The following DOCK4 variants were observed in gnomAD, a reference collection of about 807,000 sequenced individuals.
The protein encoded by DOCK4 is dedicator of cytokinesis protein 4.
DOCK4 carries 97 observed loss-of-function variants against 268.1 expected under a neutral mutation model. The observed-to-expected ratio is 0.36, with a 90% CI of 0.31 to 0.43. The LOEUF (loss-of-function observed/expected upper bound fraction) is 0.43. Among genes scored for constraint, DOCK4 ranks in the 20% least tolerant of loss-of-function variants. DOCK4 has a pLI of 1.00. For missense variants in DOCK4, 2,145 were observed against 2,455.7 expected, an observed-to-expected ratio of 0.87 and a Z score of 2.67; for synonymous variants, 954 against 887.2, an observed-to-expected ratio of 1.08 and a Z score of -1.34.
intron 1 of DOCK4, among the ~76,000 whole-genome samples, chr7:112,191,740 A>G (rs1247304327): frequency 6.6e-6 from 1 of 151,918 alleles, no homozygotes; most frequent in Non-Finnish European, 1.5e-5. Flanking sequence ...TCAGCCCTTC[A>G]CAGGTGGGTC....
At chr7:111,752,475 T>C (rs56383191) in intron 42 of DOCK4, among the ~76,000 whole-genome samples, 1 of 152,030 alleles carries the variant, frequency 6.6e-6, no homozygotes, top group Non-Finnish European at 1.5e-5. Flanking sequence ...CAGGATGTGG[T>C]ATGAAAATAT....
At chr7:111,849,462 CA>C in intron 23 of DOCK4, among the ~76,000 whole-genome samples, 1 of 152,038 alleles carries the variant, frequency 6.6e-6, no homozygotes, top group Non-Finnish European at 1.5e-5. Context: ...AGGGTTTTAC[CA>C]TGTTGGCCAG....
At chr7:112,049,106 T>A (rs1805120834) in intron 1 of DOCK4, among the ~76,000 whole-genome samples, 1 of 152,166 alleles carries the variant, frequency 6.6e-6, no homozygotes, top group African/African-American at 2.4e-5. Flanking sequence ...GCACCAGAAG[T>A]CGTAATTACA....
intron 5 of DOCK4, among the ~76,000 whole-genome samples, chr7:111,991,267 G>A (rs937820536): frequency 2.0e-5 from 3 of 152,180 alleles, no homozygotes; most frequent in Non-Finnish European, 4.4e-5. Flanking sequence ...CCCAGGTGTG[G>A]CAAGAATGCT....
At chr7:112,028,278 G>A (rs1399987922) in intron 1 of DOCK4, among the ~76,000 whole-genome samples, 8 of 152,180 alleles carry the variant, frequency 5.3e-5, no homozygotes, top group Non-Finnish European at 1.0e-4. Context: ...CCCTCTGAGG[G>A]CTGAGAATCT....
intron 1 of DOCK4, among the ~76,000 whole-genome samples, chr7:112,139,214 A>C (rs1563123272): frequency 6.6e-6 from 1 of 152,192 alleles, no homozygotes; most frequent in South Asian, 2.1e-4. Context: ...CAGATCTAGG[A>C]AACAACTGCA....
chr7:111,969,067 G>A (rs1362325193), intron 8 of DOCK4, among the ~76,000 whole-genome samples: 2 of 95,322 alleles, frequency 2.1e-5, no homozygotes, highest in South Asian at 8.6e-4. Context: ...TGGTGGGGTC[G>A]GGGGAGGGGG....
intron 12 of DOCK4, among the ~76,000 whole-genome samples, chr7:111,924,211 G>A (rs1355303496): frequency 6.6e-6 from 1 of 152,156 alleles, no homozygotes; most frequent in Non-Finnish European, 1.5e-5. Context: ...TGCTTACTCT[G>A]CCTCATTGAT....
intron 1 of DOCK4, among the ~76,000 whole-genome samples, chr7:112,133,198 T>C (rs1431506085): frequency 6.6e-6 from 1 of 152,110 alleles, no homozygotes; most frequent in Non-Finnish European, 1.5e-5. Context: ...GCCATGTGGG[T>C]GCCTGCGGGA....
intron 1 of DOCK4, among the ~76,000 whole-genome samples, chr7:112,145,473 G>T (rs1222957208): frequency 6.6e-6 from 1 of 152,120 alleles, no homozygotes; most frequent in Non-Finnish European, 1.5e-5. Context: ...CGCGGGGCTC[G>T]CAGTAATGCA....
chr7:112,147,136 A>T (rs1815587194), intron 1 of DOCK4, among the ~76,000 whole-genome samples: 1 of 152,176 alleles, frequency 6.6e-6, no homozygotes, highest in African/African-American at 2.4e-5. Context: ...TAATGTTTAT[A>T]GATATTGTAT....
chr7:111,776,132 G>A (rs908272513), intron 36 of DOCK4, among the ~76,000 whole-genome samples: 2 of 152,026 alleles, frequency 1.3e-5, no homozygotes, highest in Non-Finnish European at 2.9e-5. Context: ...TATTCAAAAG[G>A]TCTAGAATAT....
At chr7:111,869,898 T>TA (rs751466516) in intron 20 of DOCK4, among the ~76,000 whole-genome samples, 6 of 152,196 alleles carry the variant, frequency 3.9e-5, no homozygotes, top group Admixed American at 6.5e-5. Context: ...CTGTTTCTGG[T>TA]AATGCCTCCA....
intron 1 of DOCK4, among the ~76,000 whole-genome samples, chr7:112,088,680 G>A (rs1254445783): frequency 1.3e-5 from 2 of 151,982 alleles, no homozygotes; most frequent in African/African-American, 2.4e-5. Flanking sequence ...GTTTCCTATC[G>A]GGCAGGATTG....
chr7:111,934,512 GTTTTGT>G (rs1278082249), intron 12 of DOCK4, among the ~76,000 whole-genome samples: 77 of 100,690 alleles, frequency 7.6e-4, no homozygotes, highest in Middle Eastern at 5.5e-3. Flanking sequence ...AGCATGTTTT[GTTTTGT>G]TTTTGTTTTT....
At chr7:112,037,894 A>C (rs537542186) in intron 1 of DOCK4, among the ~76,000 whole-genome samples, 3 of 152,320 alleles carry the variant, frequency 2.0e-5, no homozygotes, top group South Asian at 4.1e-4. Flanking sequence ...ATATCCTCAT[A>C]TAAACCTTAT....
intron 6 of DOCK4, among the ~76,000 whole-genome samples, chr7:111,985,469 C>T (rs889433740): frequency 6.6e-6 from 1 of 152,084 alleles, no homozygotes; most frequent in South Asian, 2.1e-4. Flanking sequence ...TTCTTACTTT[C>T]GTATTTTAAA....
At chr7:111,899,683 G>C (rs949624978) in intron 15 of DOCK4, among the ~76,000 whole-genome samples, 7 of 152,224 alleles carry the variant, frequency 4.6e-5, no homozygotes, top group Admixed American at 2.6e-4. Flanking sequence ...AGCACTTTGG[G>C]AGGCCGAGGC....
chr7:111,901,202 C>T (rs891252111), intron 14 of DOCK4, among the ~76,000 whole-genome samples: 3 of 151,890 alleles, frequency 2.0e-5, no homozygotes, highest in African/African-American at 2.4e-5. Context: ...GGCATGGTTA[C>T]GCACGCCTGT....
Sources: gnomAD v4.1 joint callset for allele counts (sites outside exome capture counted in the v4.1 genomes callset) on GRCh38, gnomAD v4.1.1 for gene constraint, MANE v1.5 for transcripts, NCBI Gene and HGNC (gene_info 2026-07-23, HGNC 2026-07-21) for gene names.